Variants in PLIN3 observed in about 807,000 individuals in gnomAD.
The protein encoded by PLIN3 is perilipin 3.
In PLIN3, 30 loss-of-function variants were observed where a neutral mutation model predicts 35.9. The ratio of observed to expected loss-of-function variants is 0.84; its 90% CI spans 0.62 to 1.13. The LOEUF (loss-of-function observed/expected upper bound fraction) is 1.13, where lower values mean the gene tolerates loss of function less well. PLIN3 is among the 50% of genes most tolerant of loss of function. The pLI is 0.00. For missense variants in PLIN3, 603 were observed against 596.9 expected, an observed-to-expected ratio of 1.01 and a Z score of -0.11; for synonymous variants, 261 against 262.5, an observed-to-expected ratio of 0.99 and a Z score of 0.06.
At chr19:4,851,387 C>T (rs1468972972) in intron 5 of PLIN3, among the ~76,000 whole-genome samples, 1 of 152,054 alleles carries the variant, frequency 6.6e-6, no homozygotes. Context: ...TCGCTTGAAC[C>T]CAGGAGGCAG....
At chr19:4,860,995 C>G (rs946154950) in intron 2 of PLIN3, among the ~76,000 whole-genome samples, 13 of 152,064 alleles carry the variant, frequency 8.5e-5, no homozygotes, top group African/African-American at 2.9e-4. Flanking sequence ...AAAATAAAAT[C>G]ACCTGAGGAT....
At chr19:4,855,999 G>A (rs1263486511) in intron 4 of PLIN3, among the ~76,000 whole-genome samples, 1 of 151,944 alleles carries the variant, frequency 6.6e-6, no homozygotes, top group Non-Finnish European at 1.5e-5. Flanking sequence ...ATAAATGGGA[G>A]GTGAGGAAGT....
intron 1 of PLIN3, among the ~76,000 whole-genome samples, chr19:4,863,573 C>T (rs2030746269): frequency 6.6e-6 from 1 of 150,876 alleles, no homozygotes; most frequent in Admixed American, 6.6e-5. Flanking sequence ...AATCCCAGCA[C>T]TTTGGGAGGC....
intron 4 of PLIN3, 31 bp from the exon 5 acceptor site, chr19:4,852,332 C>A (rs1454207292): frequency 1.3e-6 from 2 of 1,588,872 alleles, no homozygotes; most frequent in African/African-American, 1.3e-5. Context: ...AGCATCTCTG[C>A]CTTCCCTCCA....
chr19:4,864,327 T>C (rs1255324556), intron 1 of PLIN3, among the ~76,000 whole-genome samples: 1 of 151,798 alleles, frequency 6.6e-6, no homozygotes, highest in Non-Finnish European at 1.5e-5. Flanking sequence ...TTTTTTGTAT[T>C]TTTAGTAGAG....
intron 7 of PLIN3, among the ~76,000 whole-genome samples, chr19:4,842,577 G>T (rs536151742): frequency 1.1e-4 from 15 of 137,868 alleles, no homozygotes; most frequent in African/African-American, 3.8e-4. Context: ...TCCAGCCAGG[G>T]TGACAGAGTG....
chr19:4,854,561 G>A (rs546211395), intron 4 of PLIN3, among the ~76,000 whole-genome samples: 4 of 152,012 alleles, frequency 2.6e-5, no homozygotes, highest in East Asian at 3.9e-4. Flanking sequence ...GCACTGCCAC[G>A]GCCGGCTAAT....
chr19:4,859,914 G>A lies in PLIN3; in HGVS notation c.177C>T (p.Val59=). Residue 59 remains valine, a synonymous_variant, in exon 3 of 8, where the codon GTC becomes GTT. Coordinates refer to ENST00000221957, the MANE Select transcript of PLIN3 (RefSeq NM_005817.5). Reference sequence around the variant, plus strand: ...TCACTCCCTTCTCTGCTGCGTCGCAGACAGTCTTGATGTGCGGGTAGCTCT... The same window carrying A: ...TCACTCCCTTCTCTGCTGCGTCGCAAACAGTCTTGATGTGCGGGTAGCTCT... ...TKESYPHIKT[V]CDAAEKGVRT... 6.2e-7 allele frequency: 1 copy of A among 1,614,000 alleles called. No individual in the cohort carries two copies. The highest frequency in any genetic ancestry group is 8.5e-7 in the Non-Finnish European group (1 of 1,179,960).
At chr19:4,856,038 C>A (rs1006199083) in intron 4 of PLIN3, among the ~76,000 whole-genome samples, 1 of 152,054 alleles carries the variant, frequency 6.6e-6, no homozygotes, top group African/African-American at 2.4e-5. Context: ...CACAGCTCCC[C>A]GGCATACAGT....
In PLIN3 at chr19:4,839,237, G is replaced by T. The variant is rs561209458; in HGVS notation, c.1260C>A (p.Pro420=). 3 of 1,610,902 alleles carry T rather than the reference G, an allele frequency of 1.9e-6. No homozygotes were observed. The highest frequency in any genetic ancestry group is 2.5e-6 in the Non-Finnish European group (3 of 1,177,504). The change falls in exon 8 of 8, where the codon CCC becomes CCA. Residue 420 remains proline (P), a synonymous_variant. Transcript: ENST00000221957. ...QNTPVTWLVG[P]FAPGITEKAP... is the part of the protein sequence containing the mutation. The stretch of plus-strand genomic sequence containing the variant: ...CTTTCTCAGTGATTCCAGGGGCAAA[G>T]GGTCCCACGAGCCACGTGACAGGTG...
At chr19:4,855,668 A>G (rs11085104) in intron 4 of PLIN3, among the ~76,000 whole-genome samples, 118,033 of 152,006 alleles carry the variant, frequency 0.78, 46,172 homozygotes, top group East Asian at 0.88. Context: ...TCGGCCTCCC[A>G]AAGTGCTGGG....
At chr19:4,862,294 C>T (rs2030702720) in intron 1 of PLIN3, among the ~76,000 whole-genome samples, 1 of 151,930 alleles carries the variant, frequency 6.6e-6, no homozygotes, top group Non-Finnish European at 1.5e-5. Context: ...CTACACCTGG[C>T]CAATTTTTTG....
At position 4,839,553 on chromosome 19, in the gene PLIN3, G is replaced by C. The variant is rs775203216; in HGVS notation, c.961-17C>G. On this transcript the variant is annotated splice_polypyrimidine_tract_variant and intron_variant, in intron 7 of 7. Transcript: ENST00000221957. ...CTCGACCTGCTGAGAAGGGAGATGG[G>C]GACACCAATCAGGACCATTTGTTTC... 5.3e-6 allele frequency: 8 copies of C among 1,499,484 alleles called. No homozygotes were observed. Among genetic ancestry groups the C allele is most frequent in the East Asian group, 2.3e-5 (1 of 43,332 alleles). The allele number at this position is 1,499,484 out of a possible 1,614,324, so 92.9% of individuals were successfully genotyped here.
chr19:4,856,566 T>C (rs931167052), intron 4 of PLIN3, among the ~76,000 whole-genome samples: 2 of 150,844 alleles, frequency 1.3e-5, no homozygotes, highest in African/African-American at 4.9e-5. Context: ...CTCAAAAAAC[T>C]AAAAAAATAA....
Position 4,838,996 on chromosome 19 carries a change from T to G in PLIN3, c.*196A>C. On this transcript the variant is annotated 3_prime_UTR_variant, in exon 8 of 8. Coordinates refer to ENST00000221957, the MANE Select transcript of PLIN3 (RefSeq NM_005817.5). ...GATAGGGTGAGGCTCAGAACAGGCT[T>G]CTTCCAAGCTCAGAGAGGCTGAGAG... 2.0e-6 allele frequency: 1 copy of G among 496,150 alleles called. No homozygotes were observed. Among genetic ancestry groups the G allele is most frequent in the Non-Finnish European group, 3.6e-6 (1 of 277,666 alleles). 30.7% of individuals were successfully genotyped at this position (496,150 alleles called of 1,614,324 possible).
intron 7 of PLIN3, among the ~76,000 whole-genome samples, chr19:4,841,822 G>A (rs1244967069): frequency 6.8e-6 from 1 of 147,622 alleles, no homozygotes; most frequent in Non-Finnish European, 1.5e-5. Flanking sequence ...GGAGAATGGC[G>A]TGAATCCGGG....
chr19:4,851,246 CA>C (rs2030279496), intron 5 of PLIN3, among the ~76,000 whole-genome samples: 2 of 152,082 alleles, frequency 1.3e-5, no homozygotes, highest in Non-Finnish European at 2.9e-5. Flanking sequence ...GTGGGCAGAT[CA>C]CAAGGTCAGG....
In PLIN3 at chr19:4,859,833, C is replaced by T. The variant is rs532074339; in HGVS notation, c.258G>A (p.Glu86=). ...SGAQPILSKL[E]PQIASASEYA... ...CCCTGGGACTTCACCCACTCTGGGG[C>T]TCCAGCTTGGAGAGGATCGGCTGAG... Residue 86 remains glutamate (E), a synonymous_variant, in exon 3 of 8, where the codon GAG becomes GAA. Transcript: ENST00000221957. The T allele has an allele frequency of 1.7e-5, 27 of 1,613,224 alleles. No individual in the cohort carries two copies. In the East Asian group the frequency reaches 5.6e-4, roughly 33 times the overall value.
intron 1 of PLIN3, among the ~76,000 whole-genome samples, chr19:4,865,944 C>G (rs934972778): frequency 3.3e-5 from 5 of 151,166 alleles, no homozygotes; most frequent in African/African-American, 1.2e-4. Context: ...AGGATCGTCT[C>G]GATCTCCTGA....
Sources: gnomAD v4.1 joint callset for allele counts (sites outside exome capture counted in the v4.1 genomes callset) on GRCh38, gnomAD v4.1.1 for gene constraint, MANE v1.5 for transcripts, NCBI Gene and HGNC (gene_info 2026-07-23, HGNC 2026-07-21) for gene names.